LRRC4C: variants seen among roughly 807,000 people sequenced by gnomAD.
The protein encoded by LRRC4C is leucine rich repeat containing 4C, also known as leucine-rich repeat-containing protein 4C.
A neutral mutation model predicts 33.6 loss-of-function variants in LRRC4C; 5 were observed. The observed-to-expected ratio is 0.15, with a 90% CI of 0.08 to 0.31. The LOEUF (loss-of-function observed/expected upper bound fraction) is 0.31. Among genes scored for constraint, LRRC4C ranks in the 10% least tolerant of loss-of-function variants. LRRC4C has a pLI of 1.00. For synonymous variants in LRRC4C, 329 were observed against 302.0 expected (o/e 1.09, Z -0.93); for missense variants, 560 against 796.7 (o/e 0.70, Z 3.58).
intron 1 of LRRC4C, among the ~76,000 whole-genome samples, chr11:41,158,188 C>T (rs1035019228): frequency 6.6e-6 from 1 of 152,078 alleles, no homozygotes; most frequent in African/African-American, 2.4e-5. Flanking sequence ...ACATTAAAAA[C>T]AATTATCAAT....
intron 3 of LRRC4C, among the ~76,000 whole-genome samples, chr11:40,519,581 G>A (rs998173358): frequency 6.6e-6 from 1 of 152,104 alleles, no homozygotes; most frequent in African/African-American, 2.4e-5. Flanking sequence ...TGTCTTAACG[G>A]AATGTTGTGG....
At chr11:40,641,178 G>A (rs1942100263) in intron 3 of LRRC4C, among the ~76,000 whole-genome samples, 1 of 152,022 alleles carries the variant, frequency 6.6e-6, no homozygotes, top group Non-Finnish European at 1.5e-5. Context: ...AAAGTTTAAG[G>A]CAGATAAAAT....
intron 3 of LRRC4C, among the ~76,000 whole-genome samples, chr11:40,476,319 A>C (rs548296614): frequency 6.7e-6 from 1 of 150,228 alleles, no homozygotes; most frequent in African/African-American, 2.4e-5. Flanking sequence ...GATGAAAACT[A>C]ATGAGTGCAC....
rs576322895 is a variant in LRRC4C, at chr11:41,240,548, T to C, written c.-496+218883A>G. Among the ~76,000 whole-genome samples the C allele has an allele frequency of 7.2e-5, 11 of 152,316 alleles. No homozygotes were observed. The South Asian group carries it at 2.3e-3, about 32-fold the overall frequency. ...GCACTCTGGTTTATACAAGTGAGAA[T>C]CTGCATTAAACATGAGTATCTCTTC... On this transcript the variant is annotated intron_variant, in intron 1 of 6. Transcript: ENST00000528697.
intron 4 of LRRC4C, among the ~76,000 whole-genome samples, chr11:40,270,033 C>T (rs1267448947): frequency 6.6e-6 from 1 of 152,148 alleles, no homozygotes; most frequent in Non-Finnish European, 1.5e-5. Flanking sequence ...AATAGCAACA[C>T]TTCTAGGGAA....
intron 5 of LRRC4C, among the ~76,000 whole-genome samples, chr11:40,163,765 C>T (rs1009891834): frequency 2.6e-5 from 4 of 151,974 alleles, no homozygotes; most frequent in Admixed American, 6.5e-5. Context: ...TGAGCCACAC[C>T]CTTATATAAT....
At chr11:40,848,927 G>A (rs987265322) in intron 2 of LRRC4C, among the ~76,000 whole-genome samples, 1 of 151,890 alleles carries the variant, frequency 6.6e-6, no homozygotes, top group South Asian at 2.1e-4. Context: ...TTTGATCTTT[G>A]TTGGTTTAAA....
chr11:40,583,046 C>A (rs1958548284), intron 3 of LRRC4C, among the ~76,000 whole-genome samples: 1 of 152,140 alleles, frequency 6.6e-6, no homozygotes, highest in Non-Finnish European at 1.5e-5. Context: ...TGCTACCAAT[C>A]ACTAGTACTT....
intron 3 of LRRC4C, among the ~76,000 whole-genome samples, chr11:40,583,023 G>C (rs895383268): frequency 2.0e-5 from 3 of 152,066 alleles, no homozygotes; most frequent in African/African-American, 7.2e-5. Context: ...TATTAACTAT[G>C]GTAATACTAC....
At chr11:40,382,935 C>T (rs1251066795) in intron 3 of LRRC4C, among the ~76,000 whole-genome samples, 10 of 152,010 alleles carry the variant, frequency 6.6e-5, no homozygotes, top group East Asian at 1.9e-4. Flanking sequence ...CCTCGTGATC[C>T]GCCTGCCTCG....
chr11:41,196,736 C>G (rs935346205), intron 1 of LRRC4C, among the ~76,000 whole-genome samples: 1 of 151,930 alleles, frequency 6.6e-6, no homozygotes, highest in Non-Finnish European at 1.5e-5. Flanking sequence ...TTGGTTGATA[C>G]CCATCCTGCT....
chr11:40,602,965 A>G (rs964598787), intron 3 of LRRC4C, among the ~76,000 whole-genome samples: 9 of 151,864 alleles, frequency 5.9e-5, no homozygotes, highest in Non-Finnish European at 2.9e-5. Flanking sequence ...ATAGTCACAC[A>G]GAGCTCAAAG....
At chr11:40,617,551 C>T (rs1485313347) in intron 3 of LRRC4C, among the ~76,000 whole-genome samples, 1 of 151,654 alleles carries the variant, frequency 6.6e-6, no homozygotes, top group Non-Finnish European at 1.5e-5. Context: ...TGCATTCTTT[C>T]TTATTATCCC....
At chr11:40,707,639 G>A (rs1009723067) in intron 2 of LRRC4C, among the ~76,000 whole-genome samples, 7 of 151,736 alleles carry the variant, frequency 4.6e-5, no homozygotes, top group African/African-American at 1.5e-4. Context: ...TTTTTGCATC[G>A]ATGTTCATCA....
At chr11:40,818,815 G>GTATTTTGTT (rs1951809381) in intron 2 of LRRC4C, among the ~76,000 whole-genome samples, 1 of 151,962 alleles carries the variant, frequency 6.6e-6, no homozygotes, top group African/African-American at 2.4e-5. Context: ...AGTTTAATTT[G>GTATTTTGTT]TATTTTGTTA....
intron 5 of LRRC4C, among the ~76,000 whole-genome samples, chr11:40,153,578 A>G (rs530189141): frequency 4.1e-4 from 28 of 68,386 alleles, no homozygotes; most frequent in Middle Eastern, 0.014. Flanking sequence ...TCAATGAAAT[A>G]GATAGCTTAA....
intron 1 of LRRC4C, among the ~76,000 whole-genome samples, chr11:41,185,892 T>C (rs1445425663): frequency 6.6e-6 from 1 of 151,944 alleles, no homozygotes; most frequent in East Asian, 1.9e-4. Flanking sequence ...AAAAAAGATG[T>C]AAATTAAATT....
intron 1 of LRRC4C, among the ~76,000 whole-genome samples, chr11:41,092,138 C>G (rs1042106080): frequency 1.3e-5 from 2 of 151,944 alleles, no homozygotes; most frequent in Non-Finnish European, 2.9e-5. Flanking sequence ...TTTTTGTAGG[C>G]TAGAAATGTT....
chr11:40,242,020 G>T (rs1486760191), intron 4 of LRRC4C: 2 of 152,068 alleles, frequency 1.3e-5, no homozygotes, highest in African/African-American at 4.8e-5. Flanking sequence ...TGGGAGTCCA[G>T]CCCTTGACTG....
Sources: gnomAD v4.1 joint callset for allele counts (sites outside exome capture counted in the v4.1 genomes callset) on GRCh38, gnomAD v4.1.1 for gene constraint, MANE v1.5 for transcripts, NCBI Gene and HGNC (gene_info 2026-07-23, HGNC 2026-07-21) for gene names.